The following CNTROB variants were observed in gnomAD, a reference collection of about 807,000 sequenced individuals.
CNTROB encodes centrobin.
CNTROB carries 82 observed loss-of-function variants against 115.7 expected under a neutral mutation model. The observed-to-expected ratio is 0.71, with a 90% CI of 0.59 to 0.85. CNTROB has a LOEUF of 0.85. Among genes scored for constraint, CNTROB ranks in the 40% least tolerant of loss-of-function variants. CNTROB has a pLI of 0.00. For synonymous variants in CNTROB, 439 were observed against 456.4 expected, an observed-to-expected ratio of 0.96 and a Z score of 0.49; for missense variants, 1,014 against 1,144.4, an observed-to-expected ratio of 0.89 and a Z score of 1.64.
chr17:7,939,397 T>G lies in CNTROB; in HGVS notation c.928-116T>G. On this transcript the variant is annotated intron_variant, in intron 7 of 18. Transcript: ENST00000563694. The surrounding 1 kb of genome is among the most constrained non-coding windows in gnomAD (Gnocchi z 4.4). ...GTGTGAGCCACCGCACCCGGCCTAATTATTGTGTTTTTAATGAGCATAATT... is the reference window on the plus strand; with the variant it reads ...GTGTGAGCCACCGCACCCGGCCTAAGTATTGTGTTTTTAATGAGCATAATT... 55 of 862,094 alleles carry G rather than the reference T, an allele frequency of 6.4e-5. No homozygotes were observed. Among genetic ancestry groups the G allele is most frequent in the Non-Finnish European group, 9.2e-5 (49 of 534,222 alleles). The allele number at this position is 862,094 out of a possible 1,614,324, so 53.4% of individuals were successfully genotyped here. A position where few individuals can be genotyped will look rare whatever the true frequency, so the allele number is the denominator to read the frequency against.
intron 1 of CNTROB, 149 bp from the exon 2 acceptor site, chr17:7,933,989 G>T: frequency 1.6e-6 from 1 of 636,912 alleles, no homozygotes; most frequent in Non-Finnish European, 2.8e-6. Context: ...TGTAGTATTT[G>T]AATTTCTGAT....
chr17:7,943,394 C>G lies in CNTROB; in HGVS notation c.1315C>G (p.Arg439Gly). ...LQLEMSLVQA[R>G]YESQRIQLES... ...ATCCCACCTTCCTTCACTCCAGGCCCGGTATGAAAGCCAGCGGATCCAGCT... is the reference window on the plus strand; with the variant it reads ...ATCCCACCTTCCTTCACTCCAGGCCGGGTATGAAAGCCAGCGGATCCAGCT... The change falls in exon 10 of 19, where the codon CGG (arginine) becomes GGG (glycine). Residue 439 changes from arginine to glycine, a missense_variant. By Grantham distance (125) the Arg-to-Gly change is moderately radical (BLOSUM62 -2). Coordinates refer to ENST00000563694, the MANE Select transcript of CNTROB (RefSeq NM_053051.5). The surrounding 1 kb of genome is among the most constrained non-coding windows in gnomAD (Gnocchi z 4.7). The G allele has an allele frequency of 6.2e-7, 1 of 1,612,170 alleles. No homozygotes were observed. Among genetic ancestry groups the G allele is most frequent in the Non-Finnish European group, 8.5e-7 (1 of 1,178,438 alleles).
intron 2 of CNTROB, 96 bp from the exon 3 acceptor site, chr17:7,934,369 G>A (rs1370030456): frequency 7.5e-7 from 1 of 1,341,026 alleles, no homozygotes; most frequent in Non-Finnish European, 1.1e-6. Context: ...GGGTGAAGGA[G>A]TGAGGGAACT....
intron 12 of CNTROB, 81 bp from the exon 13 acceptor site, chr17:7,945,639 TTTATAATC>T: frequency 7.1e-7 from 1 of 1,399,822 alleles, no homozygotes; most frequent in South Asian, 1.4e-5. Flanking sequence ...CATCCGGAAA[TTTATAATC>T]TTATTAAAGT....
At chr17:7,938,507 A>G (rs1249208683) in intron 7 of CNTROB, among the ~76,000 whole-genome samples, 2 of 152,122 alleles carry the variant, frequency 1.3e-5, no homozygotes, top group African/African-American at 4.8e-5. Flanking sequence ...GTCTTAGTGG[A>G]ATTTCTTTTG....
intron 7 of CNTROB, among the ~76,000 whole-genome samples, chr17:7,937,612 G>A (rs945694820): frequency 1.3e-5 from 2 of 152,030 alleles, no homozygotes; most frequent in Non-Finnish European, 2.9e-5. Flanking sequence ...GACCAGCCTG[G>A]CCAGCATGGT....
Position 7,948,553 on chromosome 17 carries a change from C to T in CNTROB, c.2447C>T (p.Ala816Val), listed in dbSNP as rs751565855. 6 of 1,613,986 alleles carry T rather than the reference C, an allele frequency of 3.7e-6. No homozygotes were observed. The South Asian group carries it at 6.6e-5, about 18-fold the overall frequency. ...TCTCAACTGTTGCGACTCTACCAGG[C>T]TCGGGGCTGGGGGGCTCTGCCTGCT... is the stretch of plus-strand genomic sequence containing the variant. Reference protein sequence around the residue: ...EVSQLLRLYQARGWGALPAED... With the variant: ...EVSQLLRLYQVRGWGALPAED... Residue 816 changes from alanine (A) to valine (V), a missense_variant, in exon 17 of 19, where the codon GCT becomes GTT. Coordinates refer to ENST00000563694, the MANE Select transcript of CNTROB (RefSeq NM_053051.5). The surrounding 1 kb of genome is among the most constrained non-coding windows in gnomAD (Gnocchi z 4.4).
At chr17:7,937,336 A>G (rs1973304165) in intron 7 of CNTROB, 74 bp downstream of exon 7, 1 of 1,558,166 alleles carries the variant, frequency 6.4e-7, no homozygotes, top group African/African-American at 1.4e-5. Flanking sequence ...CTATTGGTGG[A>G]TTGTGGGAGA....
rs1172374824 is a variant in CNTROB, at chr17:7,943,678, A to T, written c.1445+154A>T. 1.3e-6 allele frequency: 1 copy of T among 793,720 alleles called. No individual in the cohort carries two copies. The highest frequency in any genetic ancestry group is 2.1e-5 in the South Asian group (1 of 48,592). The allele number at this position is 793,720 out of a possible 1,614,324, so 49.2% of individuals were successfully genotyped here. ...AGCTGGGACCTGAGTCTCTCTCGGG[A>T]GGGCTGCCTTCACGCGTTCATGGAG... On this transcript the variant is annotated intron_variant, in intron 10 of 18. Coordinates refer to ENST00000563694, the MANE Select transcript of CNTROB (RefSeq NM_053051.5). This position sits in a 1 kb window ranked among gnomAD's most constrained non-coding sequence, Gnocchi z 4.7.
In CNTROB at chr17:7,933,001, G is replaced by T. The variant is rs1036720355; in HGVS notation, c.-79G>T. On this transcript the variant is annotated 5_prime_UTR_variant, in exon 1 of 19. Coordinates refer to ENST00000563694, the MANE Select transcript of CNTROB (RefSeq NM_053051.5). ...CCTCCCTTCTCCCAAGTCTTTCTCC[G>T]TGAACTTTTCCTCCTGGACTTTGCT... 97 of 1,468,762 alleles carry T rather than the reference G, an allele frequency of 6.6e-5. No homozygotes were observed. Among genetic ancestry groups the T allele is most frequent in the Middle Eastern group, 1.8e-4 (1 of 5,582 alleles). The allele number at this position is 1,468,762 out of a possible 1,614,324, so 91.0% of individuals were successfully genotyped here. A position where few individuals can be genotyped will look rare whatever the true frequency, so the allele number is the denominator to read the frequency against.
Position 7,939,600 on chromosome 17 carries a change from G to A in CNTROB, c.1015G>A (p.Ala339Thr). The change falls in exon 8 of 19, where the codon GCT becomes ACT. Residue 339 changes from alanine to threonine, a missense_variant. Physicochemically the swap from Ala to Thr is moderately conservative, Grantham distance 58. Transcript: ENST00000563694. This position sits in a 1 kb window ranked among gnomAD's most constrained non-coding sequence, Gnocchi z 4.4. ...VLQEERDAAR[A>T]GQLSEHRELE... ...GCAGGAAGAGCGGGATGCAGCTCGG[G>A]CTGGGCAACTGAGTGAGCATCGAGA... 1 of 1,614,106 alleles carries A rather than the reference G, an allele frequency of 6.2e-7. No individual in the cohort carries two copies. Among genetic ancestry groups the A allele is most frequent in the Non-Finnish European group, 8.5e-7 (1 of 1,180,016 alleles).
In CNTROB at chr17:7,949,099, G is replaced by C; in HGVS notation, c.2528G>C (p.Gly843Ala). The change falls in exon 18 of 19, where the codon GGG becomes GCG. Residue 843 changes from glycine (G) to alanine (A), a missense_variant. Transcript: ENST00000563694. ...RLEHSGTDGRGDNVPRRNTDS... is the reference protein window; with the variant it reads ...RLEHSGTDGRADNVPRRNTDS... ...TTGTGTAGCAGGACTGATGGCCGAGGGGATAATGTCCCCAGAAGGAACACA... is the reference window on the plus strand; with the variant it reads ...TTGTGTAGCAGGACTGATGGCCGAGCGGATAATGTCCCCAGAAGGAACACA... The C allele has an allele frequency of 6.2e-7, 1 of 1,614,120 alleles. No individual in the cohort carries two copies. Among genetic ancestry groups the C allele is most frequent in the Non-Finnish European group, 8.5e-7 (1 of 1,180,016 alleles).
Position 7,945,878 on chromosome 17 carries a change from G to A in CNTROB, c.1885G>A (p.Val629Ile). ...GGACGAGCTACCTGGAGCGCCTCCT[G>A]TTCTTTGCAGTTCCTCCTCAGATCT... ...ARDELPGAPP[V>I]LCSSSSDLSL... Residue 629 changes from valine (V) to isoleucine (I), a missense_variant, in exon 13 of 19, where the codon GTT becomes ATT. Transcript: ENST00000563694. 2 of 1,614,180 alleles carry A rather than the reference G, an allele frequency of 1.2e-6. No individual in the cohort carries two copies. Among genetic ancestry groups the A allele is most frequent in the Non-Finnish European group, 1.7e-6 (2 of 1,180,014 alleles).
Position 7,935,116 on chromosome 17 carries a change from G to T in CNTROB, c.565G>T (p.Ala189Ser). The T allele has an allele frequency of 6.2e-7, 1 of 1,614,034 alleles. No individual in the cohort carries two copies. The highest frequency in any genetic ancestry group is 1.1e-5 in the South Asian group (1 of 91,086). Residue 189 changes from alanine (A) to serine (S), a missense_variant, in exon 4 of 19, where the codon GCA becomes TCA. Physicochemically the swap from Ala to Ser is moderately conservative, Grantham distance 99 (BLOSUM62 1). Transcript: ENST00000563694. ...NPPDFQGLRD[A>S]LDSEHTRRKH... ...CCCAGATTTTCAGGGGCTGAGAGAT[G>T]CATTGGATTCAGAGCATACCCGCCG...
Position 7,943,410 on chromosome 17 carries a change from G to GGATC in CNTROB, c.1332_1335dup (p.Gln446AspfsTer75), listed in dbSNP as rs1180791071. On this transcript the variant is annotated frameshift_variant, in exon 10 of 19. Transcript: ENST00000563694. LOFTEE classifies it high-confidence loss of function. This position sits in a 1 kb window ranked among gnomAD's most constrained non-coding sequence, Gnocchi z 4.7. ...CTCCAGGCCCGGTATGAAAGCCAGC[G>GGATC]GATCCAGCTGGAGTCGGAGCTGGCT... 6.2e-7 allele frequency: 1 copy of GGATC among 1,612,922 alleles called. No individual in the cohort carries two copies. The highest frequency in any genetic ancestry group is 8.5e-7 in the Non-Finnish European group (1 of 1,179,130).
Position 7,949,584 on chromosome 17 carries a change from G to A in CNTROB, c.*74G>A. 5 of 1,437,802 alleles carry A rather than the reference G, an allele frequency of 3.5e-6. No homozygotes were observed. Among genetic ancestry groups the A allele is most frequent in the Non-Finnish European group, 4.6e-6 (5 of 1,081,794 alleles). 89.1% of individuals were successfully genotyped at this position (1,437,802 alleles called of 1,614,324 possible). A position where few individuals can be genotyped will look rare whatever the true frequency, so the allele number is the denominator to read the frequency against. On this transcript the variant is annotated 3_prime_UTR_variant, in exon 19 of 19. Transcript: ENST00000563694. ...TAAATGCTCATTAGTCTGTATCAGA[G>A]TCTCTGGCTCATAGGAATTTGGAAA...
Position 7,944,415 on chromosome 17 carries a change from T to C in CNTROB, c.1572-61T>C, listed in dbSNP as rs1445345659. ...TCCAACATTTCCCTTCTGGCTCTTT[T>C]TAGCTCCCAAGTATCTGCTTCCTTA... is the stretch of plus-strand genomic sequence containing the variant. On this transcript the variant is annotated intron_variant, in intron 11 of 18. Coordinates refer to ENST00000563694, the MANE Select transcript of CNTROB (RefSeq NM_053051.5). This position sits in a 1 kb window ranked among gnomAD's most constrained non-coding sequence, Gnocchi z 4.0. 1.3e-6 allele frequency: 2 copies of C among 1,596,636 alleles called. No homozygotes were observed. The highest frequency in any genetic ancestry group is 1.7e-6 in the Non-Finnish European group (2 of 1,168,148).
At chr17:7,941,147 A>G (rs897960260) in intron 9 of CNTROB, among the ~76,000 whole-genome samples, 4 of 152,170 alleles carry the variant, frequency 2.6e-5, no homozygotes, top group African/African-American at 7.2e-5. Flanking sequence ...ACTTACGTCT[A>G]CTTCTAGCTA....
chr17:7,941,720 G>T (rs568549815), intron 9 of CNTROB, among the ~76,000 whole-genome samples: 15 of 151,962 alleles, frequency 9.9e-5, no homozygotes, highest in Non-Finnish European at 2.1e-4. Context: ...AGCACTTTGG[G>T]AGGCCGAAAC....
Sources: gnomAD v4.1 joint callset for allele counts (sites outside exome capture counted in the v4.1 genomes callset) on GRCh38, gnomAD v4.1.1 for gene constraint, Gnocchi (gnomAD v3.1) non-coding constraint, MANE v1.5 for transcripts, NCBI Gene and HGNC (gene_info 2026-07-23, HGNC 2026-07-21) for gene names.